Variants in PALS2 observed in about 807,000 individuals in gnomAD.
PALS2 encodes protein PALS2.
PALS2 carries 27 observed loss-of-function variants against 61.6 expected under a neutral mutation model. The ratio of observed to expected loss-of-function variants is 0.44; its 90% confidence interval spans 0.32 to 0.60. The LOEUF is 0.60. Among genes scored for constraint, PALS2 ranks in the 20% least tolerant of loss-of-function variants. The pLI, the probability that PALS2 is intolerant of heterozygous loss-of-function variation, is 0.05. For synonymous variants in PALS2, 236 were observed against 218.6 expected, an observed-to-expected ratio of 1.08 and a Z score of -0.70; for missense variants, 554 against 639.4, an observed-to-expected ratio of 0.87 and a Z score of 1.44.
intron 1 of PALS2, among the ~76,000 whole-genome samples, chr7:24,612,988 A>G (rs891639082): frequency 3.3e-5 from 5 of 151,790 alleles, no homozygotes; most frequent in Admixed American, 2.0e-4. Context: ...TACTAAGGTA[A>G]GGTTTTTTCC....
At chr7:24,646,887 TA>T (rs1785859518) in intron 3 of PALS2, among the ~76,000 whole-genome samples, 1 of 152,186 alleles carries the variant, frequency 6.6e-6, no homozygotes. Flanking sequence ...TCGGAGGTTG[TA>T]TATGTCTAGG....
chr7:24,663,900 G>A (rs1184982227), intron 6 of PALS2, among the ~76,000 whole-genome samples, 179 bp downstream of exon 6: 1 of 152,172 alleles, frequency 6.6e-6, no homozygotes, highest in East Asian at 1.9e-4. Flanking sequence ...GAGGGAATTT[G>A]CAACTTAATA....
chr7:24,666,046 CA>C lies in PALS2; in HGVS notation c.917del (p.Lys306ArgfsTer4), dbSNP rs757450051. 3.7e-6 allele frequency: 6 copies of C among 1,606,378 alleles called. No individual in the cohort carries two copies. The highest frequency in any genetic ancestry group is 1.7e-4 in the Middle Eastern group (1 of 5,938). ...SGPFCGTISS[K>X]KKKKMMYLTT... is the part of the protein sequence containing the mutation. ...GACCTTTTTGTGGAACTATAAGTAG[CA>C]AAAAAAAGAAAAAGATGATGTATCT... On this transcript the variant is annotated frameshift_variant, in exon 8 of 12. Coordinates refer to ENST00000222644, the MANE Select transcript of PALS2 (RefSeq NM_001303037.2). LOFTEE classifies it high-confidence loss of function.
intron 1 of PALS2, among the ~76,000 whole-genome samples, chr7:24,615,970 G>A (rs1398931812): frequency 6.6e-6 from 1 of 152,142 alleles, no homozygotes; most frequent in African/African-American, 2.4e-5. Context: ...CTCAATAGAT[G>A]CAGAAAAAGC....
intron 9 of PALS2, among the ~76,000 whole-genome samples, chr7:24,671,814 A>G (rs1787311524): frequency 6.6e-6 from 1 of 151,936 alleles, no homozygotes; most frequent in Non-Finnish European, 1.5e-5. Context: ...CCTCCAGTGG[A>G]TTGTCTTGCC....
chr7:24,646,827 G>C (rs1785856726), intron 3 of PALS2, among the ~76,000 whole-genome samples: 1 of 152,110 alleles, frequency 6.6e-6, no homozygotes, highest in South Asian at 2.1e-4. Flanking sequence ...TTCAATTTCG[G>C]AGGTTGTTAT....
chr7:24,664,752 G>GATCC (rs1786926730), intron 6 of PALS2, among the ~76,000 whole-genome samples: 1 of 151,916 alleles, frequency 6.6e-6, no homozygotes, highest in Non-Finnish European at 1.5e-5. Flanking sequence ...ACTTTTTTTA[G>GATCC]ATCCCTCATT....
intron 11 of PALS2, among the ~76,000 whole-genome samples, chr7:24,684,019 A>G (rs1390730577): frequency 2.0e-5 from 3 of 152,174 alleles, no homozygotes; most frequent in Non-Finnish European, 4.4e-5. Flanking sequence ...AACCACCACT[A>G]GTATCATTAC....
chr7:24,625,487 AGT>A (rs1784701976), intron 2 of PALS2, among the ~76,000 whole-genome samples: 4 of 152,344 alleles, frequency 2.6e-5, no homozygotes, highest in Middle Eastern at 3.4e-3. Context: ...TCAGTCAATA[AGT>A]GTTGTGTCTA....
rs1424318014 is a variant in PALS2 at position 24,679,585 on chromosome 7, T to C, written c.1317+252T>C. Among the ~76,000 whole-genome samples the C allele has an allele frequency of 3.3e-5, 5 of 152,212 alleles. No individual in the cohort carries two copies. In the East Asian group the frequency reaches 9.6e-4, roughly 29 times the overall value. On this transcript the variant is annotated intron_variant, in intron 10 of 11. Transcript: ENST00000222644. The stretch of plus-strand genomic sequence containing the variant: ...TTAGATCTACAATAGAAGTTTAGTA[T>C]GTATTTATTTACCTGTTCAAGTAAT...
intron 9 of PALS2, among the ~76,000 whole-genome samples, chr7:24,676,141 A>C (rs868334528): frequency 6.6e-6 from 1 of 151,854 alleles, no homozygotes; most frequent in East Asian, 1.9e-4. Flanking sequence ...TCTGATGGCC[A>C]GTGATGGTGA....
rs1364920593 is a variant in PALS2, at chr7:24,687,772, A to T, written c.*158A>T. On this transcript the variant is annotated 3_prime_UTR_variant, in exon 12 of 12. Coordinates refer to ENST00000222644, the MANE Select transcript of PALS2 (RefSeq NM_001303037.2). The surrounding 1 kb of genome is among the most constrained non-coding windows in gnomAD (Gnocchi z 4.5). ...AATAATAGTACACTTCTGAATTTTT[A>T]TATAAAATGTGGTTGGAAGGTGTAC... 1 of 619,420 alleles carries T rather than the reference A, an allele frequency of 1.6e-6. No individual in the cohort carries two copies. Among genetic ancestry groups the T allele is most frequent in the Non-Finnish European group, 2.5e-6 (1 of 403,718 alleles). The allele number at this position is 619,420 out of a possible 1,614,324, so 38.4% of individuals were successfully genotyped here.
chr7:24,579,805 A>G (rs1230425894), intron 1 of PALS2, among the ~76,000 whole-genome samples: 1 of 152,204 alleles, frequency 6.6e-6, no homozygotes, highest in Non-Finnish European at 1.5e-5. Flanking sequence ...ATCTACTTAG[A>G]ATATTTATTA....
intron 11 of PALS2, among the ~76,000 whole-genome samples, chr7:24,683,010 C>T (rs1274668521): frequency 6.6e-6 from 1 of 152,140 alleles, no homozygotes; most frequent in Non-Finnish European, 1.5e-5. Context: ...TTATTAACAT[C>T]ATGAGGCATA....
chr7:24,671,735 C>T (rs1390645767), intron 9 of PALS2, among the ~76,000 whole-genome samples: 1 of 152,006 alleles, frequency 6.6e-6, no homozygotes, highest in Non-Finnish European at 1.5e-5. Context: ...GGAGGGGGTT[C>T]CAACTTTATT....
chr7:24,597,552 A>T (rs1469509166), intron 1 of PALS2, among the ~76,000 whole-genome samples: 1 of 152,174 alleles, frequency 6.6e-6, no homozygotes, highest in Non-Finnish European at 1.5e-5. Context: ...CTATTTAAGG[A>T]TGGAGAAGAT....
chr7:24,594,531 T>C (rs1783425630), intron 1 of PALS2, among the ~76,000 whole-genome samples: 1 of 152,246 alleles, frequency 6.6e-6, no homozygotes, highest in Non-Finnish European at 1.5e-5. Context: ...ACTTGAACTC[T>C]TAGAGATTAT....
chr7:24,677,754 G>T (rs993264632), intron 9 of PALS2, among the ~76,000 whole-genome samples: 1 of 152,108 alleles, frequency 6.6e-6, no homozygotes, highest in Non-Finnish European at 1.5e-5. Flanking sequence ...AATATGAAAA[G>T]CCATCATAGC....
Position 24,596,683 on chromosome 7 carries a change from C to T in PALS2, c.-3+23090C>T, listed in dbSNP as rs1265667907. Among the ~76,000 whole-genome samples the T allele has an allele frequency of 6.6e-6, 1 of 151,996 alleles. No homozygotes were observed. The highest frequency in any genetic ancestry group is 1.5e-5 in the Non-Finnish European group (1 of 68,000). ...TTGTGAGAGTAAATTGGCAACAGTG[C>T]TATTTATTTGAGCTCTGTTTAAAAA... On this transcript the variant is annotated intron_variant, in intron 1 of 11. Coordinates refer to ENST00000222644, the MANE Select transcript of PALS2 (RefSeq NM_001303037.2). This position sits in a 1 kb window ranked among gnomAD's most constrained non-coding sequence, Gnocchi z 4.5.
Sources: gnomAD v4.1 joint callset for allele counts (sites outside exome capture counted in the v4.1 genomes callset) on GRCh38, gnomAD v4.1.1 for gene constraint, Gnocchi (gnomAD v3.1) non-coding constraint, MANE v1.5 for transcripts, NCBI Gene and HGNC (gene_info 2026-07-23, HGNC 2026-07-21) for gene names.